The following ARHGEF10L variants were observed in gnomAD, a reference collection of about 807,000 sequenced individuals.
The protein encoded by ARHGEF10L is rho guanine nucleotide exchange factor 10-like protein.
In ARHGEF10L, 69 loss-of-function variants were observed where a neutral mutation model predicts 141.2. The ratio of observed to expected loss-of-function variants is 0.49; its 90% CI spans 0.40 to 0.60. The LOEUF is 0.60. Among genes scored for constraint, ARHGEF10L ranks in the 20% least tolerant of loss-of-function variants. The pLI is 0.00. For missense variants in ARHGEF10L, 1,482 were observed against 1,734.3 expected, an observed-to-expected ratio of 0.85 and a Z score of 2.58; for synonymous variants, 711 against 718.5, an observed-to-expected ratio of 0.99 and a Z score of 0.17.
chr1:17,603,515 G>A lies in ARHGEF10L; in HGVS notation c.357G>A (p.Arg119=). 1 of 1,613,522 alleles carries A rather than the reference G, an allele frequency of 6.2e-7. No individual in the cohort carries two copies. The highest frequency in any genetic ancestry group is 8.5e-7 in the Non-Finnish European group (1 of 1,179,754). The change falls in exon 6 of 29, where the codon CGG becomes CGA. Residue 119 remains arginine (R), a synonymous_variant. Coordinates refer to ENST00000361221, the MANE Select transcript of ARHGEF10L (RefSeq NM_018125.4). The surrounding 1 kb of genome is among the most constrained non-coding windows in gnomAD (Gnocchi z 4.8). ...TCCCCACTTCCCTCCCAGTTGACCG[G>A]TTCACTTTCCCCGCCCTGGAAGAGG... ...WKRKSSRRID[R]FTFPALEEDV...
chr1:17,595,343 G>A (rs972313212), intron 4 of ARHGEF10L, among the ~76,000 whole-genome samples: 3 of 151,812 alleles, frequency 2.0e-5, no homozygotes, highest in African/African-American at 7.3e-5. Flanking sequence ...GGGGTGCAGG[G>A]CCTCTCCATG....
At chr1:17,513,480 G>T in the ARHGEF10L span, among the ~76,000 whole-genome samples, 2 of 152,256 alleles carry the variant, frequency 1.3e-5, no homozygotes, top group East Asian at 3.9e-4. Context: ...TCTGGTGTTT[G>T]GAATTAGCAA....
chr1:17,602,515 C>G (rs2080790194), intron 5 of ARHGEF10L, among the ~76,000 whole-genome samples: 1 of 152,170 alleles, frequency 6.6e-6, no homozygotes, highest in Admixed American at 6.5e-5. Context: ...GTTAACAGAA[C>G]CAGACACCTT....
At chr1:17,546,901 G>A (rs1346559025) in intron 1 of ARHGEF10L, among the ~76,000 whole-genome samples, 1 of 152,162 alleles carries the variant, frequency 6.6e-6, no homozygotes, top group African/African-American at 2.4e-5. Context: ...AGCTTTCTCA[G>A]TTCTCAGCTA....
At chr1:17,565,012 C>T (rs892637758) in intron 1 of ARHGEF10L, among the ~76,000 whole-genome samples, 1 of 152,304 alleles carries the variant, frequency 6.6e-6, no homozygotes, top group South Asian at 2.1e-4. Flanking sequence ...GCAGCTGTAA[C>T]GAAATGCCGT....
Position 17,610,042 on chromosome 1 carries a change from C to T in ARHGEF10L, c.609+2065C>T, listed in dbSNP as rs115887562. 7.6e-3 allele frequency among the ~76,000 whole-genome samples: 1,156 copies of T among 152,292 alleles called. 19 individuals are homozygous for T. The highest frequency in any genetic ancestry group is 0.024 in the African/African-American group (995 of 41,558). Reference sequence around the variant, plus strand: ...TCCTCCTCCTCTCCCATGTTGTCCCCGGCCCTCTTGCTGGGACTGGGAGGA... The same window carrying T: ...TCCTCCTCCTCTCCCATGTTGTCCCTGGCCCTCTTGCTGGGACTGGGAGGA... On this transcript the variant is annotated intron_variant, in intron 7 of 28. Transcript: ENST00000361221.
At chr1:17,591,150 C>T (rs1393528326) in intron 4 of ARHGEF10L, among the ~76,000 whole-genome samples, 1 of 152,212 alleles carries the variant, frequency 6.6e-6, no homozygotes, top group Non-Finnish European at 1.5e-5. Context: ...GGTTGTGTGG[C>T]CCAAGGCCAC....
At chr1:17,666,408 C>G (rs1217855749) in intron 26 of ARHGEF10L, among the ~76,000 whole-genome samples, 1 of 152,112 alleles carries the variant, frequency 6.6e-6, no homozygotes, top group Non-Finnish European at 1.5e-5. Context: ...TGTGCAGGAC[C>G]AGTGGGTGAG....
At chr1:17,604,188 T>G (rs2080964402) in intron 6 of ARHGEF10L, among the ~76,000 whole-genome samples, 1 of 152,026 alleles carries the variant, frequency 6.6e-6, no homozygotes, top group African/African-American at 2.4e-5. Context: ...GGATGTTACC[T>G]TCTCATTTTA....
upstream of ARHGEF10L, among the ~76,000 whole-genome samples, chr1:17,539,254 T>C (rs1388909258): frequency 2.6e-5 from 4 of 151,836 alleles, no homozygotes; most frequent in Non-Finnish European, 4.4e-5. The surrounding 1 kb of genome is among the most constrained non-coding windows in gnomAD (Gnocchi z 6.0). Flanking sequence ...CCAAGACTGG[T>C]TGAGGGGCAG....
Position 17,654,014 on chromosome 1 carries a change from TCTCTA to T in ARHGEF10L, c.2395-617_2395-613del, listed in dbSNP as rs1233160863. ...GCATCCTCCTTCCAGCCAAGAGCAG[TCTCTA>T]CTCTGTCTTCTCCTTCAGTGTGGCC... On this transcript the variant is annotated intron_variant, in intron 22 of 28. Transcript: ENST00000361221. This position sits in a 1 kb window ranked among gnomAD's most constrained non-coding sequence, Gnocchi z 4.3. 2.0e-5 allele frequency among the ~76,000 whole-genome samples: 3 copies of T among 152,236 alleles called. No homozygotes were observed. Among genetic ancestry groups the T allele is most frequent in the African/African-American group, 7.2e-5 (3 of 41,456 alleles).
rs1448209046 is a variant in ARHGEF10L at position 17,644,605 on chromosome 1, C to G, written c.2273-3949C>G. On this transcript the variant is annotated intron_variant, in intron 21 of 28. Coordinates refer to ENST00000361221, the MANE Select transcript of ARHGEF10L (RefSeq NM_018125.4). This position sits in a 1 kb window ranked among gnomAD's most constrained non-coding sequence, Gnocchi z 4.5. The stretch of plus-strand genomic sequence containing the variant: ...TGACATCTGTGGCTGTGGCCAGCAG[C>G]ATCTCCATGGTGCTGGGGAGGTGTG... Among the ~76,000 whole-genome samples, 1 of 152,212 alleles carries G rather than the reference C, an allele frequency of 6.6e-6. No homozygotes were observed.
the ARHGEF10L span, among the ~76,000 whole-genome samples, chr1:17,529,291 C>T: frequency 6.6e-6 from 1 of 152,226 alleles, no homozygotes; most frequent in Non-Finnish European, 1.5e-5. Flanking sequence ...GCACGAGTCA[C>T]CACATCCGGC....
chr1:17,593,980 G>C (rs889825534), intron 4 of ARHGEF10L, among the ~76,000 whole-genome samples: 1 of 150,038 alleles, frequency 6.7e-6, no homozygotes, highest in Non-Finnish European at 1.5e-5. Context: ...CTAGGATGGT[G>C]CTCTGCTGAC....
At chr1:17,680,777 T>C in intron 26 of ARHGEF10L, among the ~76,000 whole-genome samples, 1 of 148,596 alleles carries the variant, frequency 6.7e-6, no homozygotes, top group African/African-American at 2.5e-5. Context: ...CTTTGCCTTT[T>C]CTCCCATAAC....
the ARHGEF10L span, among the ~76,000 whole-genome samples, chr1:17,526,194 C>T: frequency 4.3e-4 from 66 of 152,224 alleles, no homozygotes; most frequent in East Asian, 0.011. Context: ...TCTCCTTCCT[C>T]CCTGTGTGGC....
chr1:17,591,866 G>A (rs1421024221), intron 4 of ARHGEF10L, among the ~76,000 whole-genome samples: 1 of 152,184 alleles, frequency 6.6e-6, no homozygotes, highest in East Asian at 1.9e-4. Context: ...CTTATTACTT[G>A]TACCCCTAGG....
Position 17,569,797 on chromosome 1 carries a change from C to T in ARHGEF10L, c.-43-10756C>T, listed in dbSNP as rs564169651. Among the ~76,000 whole-genome samples, 11 of 152,296 alleles carry T rather than the reference C, an allele frequency of 7.2e-5. No homozygotes were observed. The South Asian group carries it at 1.9e-3, about 26-fold the overall frequency. On this transcript the variant is annotated intron_variant, in intron 1 of 28. Transcript: ENST00000361221. ...TGACGGTGGCAGCCGCGGAGGCTCG[C>T]GGATCCTGTCCCCTTTGCCGGCCAC...
intron 22 of ARHGEF10L, 27 bp downstream of exon 22, chr1:17,648,702 G>T: frequency 5.6e-6 from 9 of 1,602,234 alleles, no homozygotes; most frequent in Non-Finnish European, 7.7e-6. Flanking sequence ...TTGCTGAGCC[G>T]ACCTCGAAGG....
Sources: gnomAD v4.1 joint callset for allele counts (sites outside exome capture counted in the v4.1 genomes callset) on GRCh38, gnomAD v4.1.1 for gene constraint, Gnocchi (gnomAD v3.1) non-coding constraint, MANE v1.5 for transcripts, NCBI Gene and HGNC (gene_info 2026-07-23, HGNC 2026-07-21) for gene names.